ADAMTSL1: variants seen among roughly 807,000 people sequenced by gnomAD.
The protein encoded by ADAMTSL1 is ADAMTS like 1, also known as ADAMTS-like protein 1.
In ADAMTSL1, 126 loss-of-function variants were observed where a neutral mutation model predicts 201.8. That is an observed-to-expected ratio of 0.62 (90% CI 0.54 to 0.72). The LOEUF (loss-of-function observed/expected upper bound fraction) is 0.72, where lower values mean the gene tolerates loss of function less well. Among genes scored for constraint, ADAMTSL1 ranks in the 30% least tolerant of loss-of-function variants. ADAMTSL1 has a pLI of 0.00. For missense variants in ADAMTSL1, 2,679 were observed against 2,277.8 expected, an observed-to-expected ratio of 1.18 and a Z score of -3.59; for synonymous variants, 1,121 against 903.4, an observed-to-expected ratio of 1.24 and a Z score of -4.32.
intron 4 of ADAMTSL1, among the ~76,000 whole-genome samples, chr9:18,577,239 A>G (rs1822793794): frequency 6.6e-6 from 1 of 152,192 alleles, no homozygotes; most frequent in South Asian, 2.1e-4. Context: ...TAATCTGGGC[A>G]TTTTGGTAGG....
intron 1 of ADAMTSL1, among the ~76,000 whole-genome samples, chr9:18,148,812 G>A (rs1386777456): frequency 6.6e-6 from 1 of 151,962 alleles, no homozygotes; most frequent in Non-Finnish European, 1.5e-5. Flanking sequence ...TGAAAAACAT[G>A]TAAATATTTT....
chr9:18,602,222 G>T (rs1272395898), intron 4 of ADAMTSL1, among the ~76,000 whole-genome samples: 2 of 152,106 alleles, frequency 1.3e-5, no homozygotes, highest in Non-Finnish European at 2.9e-5. Context: ...TATTTGTTAG[G>T]CTGGGAGTGC....
chr9:18,855,925 A>G (rs1826815648), intron 23 of ADAMTSL1, among the ~76,000 whole-genome samples: 1 of 152,228 alleles, frequency 6.6e-6, no homozygotes, highest in South Asian at 2.1e-4. Flanking sequence ...GCCCAGAAAA[A>G]GAATTTAGGC....
intron 10 of ADAMTSL1, among the ~76,000 whole-genome samples, chr9:18,677,480 T>C (rs1830194156): frequency 1.3e-5 from 2 of 152,100 alleles, no homozygotes; most frequent in African/African-American, 4.8e-5. Flanking sequence ...ATAGGATATA[T>C]GTATCTGTTT....
At chr9:17,923,537 G>A (rs1826393441) in intron 1 of ADAMTSL1, among the ~76,000 whole-genome samples, 1 of 151,668 alleles carries the variant, frequency 6.6e-6, no homozygotes, top group Admixed American at 6.6e-5. Context: ...GAGACAATGG[G>A]GTTTTCTAGA....
At chr9:18,604,587 A>G (rs886912601) in intron 4 of ADAMTSL1, among the ~76,000 whole-genome samples, 1 of 152,348 alleles carries the variant, frequency 6.6e-6, no homozygotes, top group African/African-American at 2.4e-5. Flanking sequence ...ATAGCAAGTC[A>G]TAATTACATT....
chr9:18,493,614 T>G lies in ADAMTSL1; in HGVS notation c.64-11215T>G, dbSNP rs79614166. ...AATCATCTTTCAGCTTTACACATTT[T>G]GGGTAAATTTAGAGTTGGCATAAAA... On this transcript the variant is annotated intron_variant, in intron 1 of 28. Transcript: ENST00000380548. Among the ~76,000 whole-genome samples, 1,208 of 152,344 alleles carry G rather than the reference T, an allele frequency of 7.9e-3. 14 individuals carry two copies. Among genetic ancestry groups the G allele is most frequent in the African/African-American group, 0.028 (1,145 of 41,576 alleles).
intron 1 of ADAMTSL1, among the ~76,000 whole-genome samples, chr9:17,952,917 C>CCTCCT (rs1827784270): frequency 5.5e-5 from 8 of 145,990 alleles, no homozygotes; most frequent in African/African-American, 1.5e-4. Context: ...TTCCTCCTTT[C>CCTCCT]CCTCCTCCTC....
chr9:18,035,999 C>A (rs1182433694), intron 1 of ADAMTSL1, among the ~76,000 whole-genome samples: 6 of 152,154 alleles, frequency 3.9e-5, no homozygotes, highest in East Asian at 1.9e-4. Flanking sequence ...CCTACACCAA[C>A]ATTACAATAA....
intron 2 of ADAMTSL1, among the ~76,000 whole-genome samples, chr9:18,332,105 T>C (rs1202927215): frequency 1.3e-5 from 2 of 152,124 alleles, no homozygotes; most frequent in African/African-American, 2.4e-5. Context: ...ATTCAGGAGC[T>C]GGAGGCAAGG....
At chr9:18,030,909 T>C (rs1820924317) in intron 1 of ADAMTSL1, among the ~76,000 whole-genome samples, 1 of 152,166 alleles carries the variant, frequency 6.6e-6, no homozygotes, top group Admixed American at 6.5e-5. Flanking sequence ...TTTGAGTGAC[T>C]GGTTTTTGAG....
At chr9:17,963,708 G>T (rs1261726943) in intron 1 of ADAMTSL1, among the ~76,000 whole-genome samples, 1 of 152,070 alleles carries the variant, frequency 6.6e-6, no homozygotes, top group East Asian at 1.9e-4. Context: ...GATTCAAATT[G>T]GAGGACACTA....
At chr9:18,219,731 A>C (rs1830186667) in intron 2 of ADAMTSL1, among the ~76,000 whole-genome samples, 1 of 152,190 alleles carries the variant, frequency 6.6e-6, no homozygotes, top group Non-Finnish European at 1.5e-5. Flanking sequence ...TACTTAATAC[A>C]TTGTTAGGTT....
chr9:18,102,164 A>G (rs1336221586), intron 1 of ADAMTSL1, among the ~76,000 whole-genome samples: 4 of 152,162 alleles, frequency 2.6e-5, no homozygotes, highest in Non-Finnish European at 5.9e-5. Flanking sequence ...TATGAATGTA[A>G]CTTGCTGTCT....
At chr9:18,346,623 G>A (rs1320870898) in intron 2 of ADAMTSL1, among the ~76,000 whole-genome samples, 5 of 152,136 alleles carry the variant, frequency 3.3e-5, no homozygotes, top group Admixed American at 2.6e-4. Context: ...AGTCCTGCTT[G>A]ACTACATTGC....
intron 23 of ADAMTSL1, among the ~76,000 whole-genome samples, chr9:18,874,447 C>T (rs947770229): frequency 2.0e-5 from 3 of 152,000 alleles, no homozygotes; most frequent in Non-Finnish European, 4.4e-5. Context: ...GCTTTTATTA[C>T]CTTAGAGTGT....
intron 3 of ADAMTSL1, among the ~76,000 whole-genome samples, chr9:18,555,216 C>A (rs1038533795): frequency 1.3e-5 from 2 of 151,770 alleles, no homozygotes; most frequent in African/African-American, 4.8e-5. Flanking sequence ...GACTTTATCC[C>A]CTGTTCCCTG....
At chr9:18,006,437 AG>A (rs1449841377) in intron 1 of ADAMTSL1, among the ~76,000 whole-genome samples, 2 of 151,972 alleles carry the variant, frequency 1.3e-5, no homozygotes, top group Non-Finnish European at 2.9e-5. Context: ...CCAACATACC[AG>A]TGAATTCTGA....
intron 19 of ADAMTSL1, among the ~76,000 whole-genome samples, chr9:18,791,628 T>TAAG (rs1348384976): frequency 6.6e-6 from 1 of 152,210 alleles, no homozygotes; most frequent in Non-Finnish European, 1.5e-5. Context: ...TTTATAAATA[T>TAAG]AAGTGACTTT....
Sources: allele counts gnomAD v4.1 joint callset (sites outside exome capture counted in the v4.1 genomes callset), GRCh38; gene constraint gnomAD v4.1.1; transcripts MANE v1.5; gene names NCBI Gene and HGNC (gene_info 2026-07-23, HGNC 2026-07-21).